UGT1A9: variants seen among roughly 807,000 people sequenced by gnomAD.
The protein encoded by UGT1A9 is UDP-glucuronosyltransferase 1A9.
UGT1A9 carries 35 observed loss-of-function variants against 45.0 expected under a neutral mutation model. The ratio of observed to expected loss-of-function variants is 0.78; its 90% CI spans 0.59 to 1.03. The LOEUF (loss-of-function observed/expected upper bound fraction) is 1.03. Among genes scored for constraint, UGT1A9 ranks in the 50% least tolerant of loss-of-function variants. The pLI, the probability that UGT1A9 is intolerant of heterozygous loss-of-function variation, is 0.00. For missense variants in UGT1A9, 687 were observed against 666.6 expected, an observed-to-expected ratio of 1.03 and a Z score of -0.34; for synonymous variants, 278 against 250.6, an observed-to-expected ratio of 1.11 and a Z score of -1.03.
chr2:233,756,308 C>T (rs147116295), intron 1 of UGT1A9: 65 of 152,294 alleles, frequency 4.3e-4, no homozygotes, highest in African/African-American at 1.5e-3. Context: ...TATAACCTAC[C>T]CATATCCTCC....
intron 4 of UGT1A9, chr2:233,770,148 T>A (rs1432860944): frequency 2.0e-5 from 3 of 152,232 alleles, no homozygotes; most frequent in Admixed American, 6.5e-5. Context: ...CATTATTTTT[T>A]AAAAAAACAC....
At position 233,721,338 on chromosome 2, in the gene UGT1A9, A is replaced by C. The variant is rs569629539; in HGVS notation, c.856-45696A>C. On this transcript the variant is annotated intron_variant, in intron 1 of 4. Transcript: ENST00000354728. Reference sequence around the variant, plus strand: ...TCTTTTCTTGTGGTTTTTCACTATGAATATATTCTTTAGACTGAACTGCAC... The same window carrying C: ...TCTTTTCTTGTGGTTTTTCACTATGCATATATTCTTTAGACTGAACTGCAC... Among the ~76,000 whole-genome samples, 10 of 152,226 alleles carry C rather than the reference A, an allele frequency of 6.6e-5. No homozygotes were observed. The South Asian group carries it at 1.9e-3, about 28-fold the overall frequency.
At chr2:233,759,897 C>T (rs1697281775) in intron 1 of UGT1A9, among the ~76,000 whole-genome samples, 1 of 152,134 alleles carries the variant, frequency 6.6e-6, no homozygotes, top group Non-Finnish European at 1.5e-5. Flanking sequence ...TTCTAAAAGG[C>T]TTTCTAAAAA....
chr2:233,750,413 A>G, intron 1 of UGT1A9, among the ~76,000 whole-genome samples: 1 of 151,976 alleles, frequency 6.6e-6, no homozygotes, highest in East Asian at 1.9e-4. Context: ...ACCATGTGGT[A>G]GAAAAGAAAA....
intron 1 of UGT1A9, chr2:233,753,750 T>C (rs1387497613): frequency 6.6e-6 from 1 of 152,184 alleles, no homozygotes; most frequent in Non-Finnish European, 1.5e-5. Context: ...AATAGGACAG[T>C]TTTGCGTGGC....
rs1302197781 is a variant in UGT1A9, at chr2:233,744,044, A to G, written c.856-22990A>G. ...GAGACGCCCCTTATGACGCAGCCAC[A>G]TCTCATTGGTCGAGGCCTATGAGCG... is the stretch of plus-strand genomic sequence containing the variant. On this transcript the variant is annotated intron_variant, in intron 1 of 4. Coordinates refer to ENST00000354728, the MANE Select transcript of UGT1A9 (RefSeq NM_021027.3). 3 of 731,946 alleles carry G rather than the reference A, an allele frequency of 4.1e-6. No homozygotes were observed. In the Admixed American group the frequency reaches 1.1e-4, roughly 26 times the overall value. The allele number at this position is 731,946 out of a possible 1,614,324, so 45.3% of individuals were successfully genotyped here. A position where few individuals can be genotyped will look rare whatever the true frequency, so the allele number is the denominator to read the frequency against.
chr2:233,693,033 G>A lies in UGT1A9; in HGVS notation c.855+20244G>A, dbSNP rs377223787. ...GCCTGCCTCCTTCGCTCATTTCAGA[G>A]AATTTCTGCAGGGGTTTTCTTCTTA... On this transcript the variant is annotated intron_variant, in intron 1 of 4. Transcript: ENST00000354728. The A allele has an allele frequency of 1.8e-4, 295 of 1,614,054 alleles. No homozygotes were observed. Among genetic ancestry groups the A allele is most frequent in the Non-Finnish European group, 2.4e-4 (283 of 1,180,042 alleles).
chr2:233,679,778 G>T (rs966968949), intron 1 of UGT1A9, among the ~76,000 whole-genome samples: 7 of 152,042 alleles, frequency 4.6e-5, no homozygotes, highest in African/African-American at 1.7e-4. Flanking sequence ...AAATTCTCCA[G>T]TTTTAGATTC....
At chr2:233,739,807 G>T (rs527239626) in intron 1 of UGT1A9, among the ~76,000 whole-genome samples, 26 of 152,152 alleles carry the variant, frequency 1.7e-4, no homozygotes, top group African/African-American at 5.3e-4. Flanking sequence ...GGGAAGGCAT[G>T]ATTGGTTTTT....
intron 1 of UGT1A9, among the ~76,000 whole-genome samples, chr2:233,711,994 G>A (rs28898596): frequency 0.1 from 15,482 of 152,248 alleles, 907 homozygotes; most frequent in East Asian, 0.2. Flanking sequence ...AAATTATTCT[G>A]TTCTGGAGGA....
rs540404664 is a variant in UGT1A9 at position 233,696,296 on chromosome 2, G to A, written c.855+23507G>A. ...AAAGAAAACGTAGGACTGTAATATC[G>A]TGAAATATATATTTGGTCTTCATCC... On this transcript the variant is annotated intron_variant, in intron 1 of 4. Coordinates refer to ENST00000354728, the MANE Select transcript of UGT1A9 (RefSeq NM_021027.3). Among the ~76,000 whole-genome samples, 28 of 152,242 alleles carry A rather than the reference G, an allele frequency of 1.8e-4. No individual in the cohort carries two copies. The East Asian group carries it at 4.8e-3, about 26-fold the overall frequency.
intron 1 of UGT1A9, chr2:233,747,682 G>A: frequency 6.2e-7 from 1 of 1,608,610 alleles, no homozygotes; most frequent in Admixed American, 1.7e-5. Flanking sequence ...ATTTACCTCT[G>A]TGGGGCAGTG....
chr2:233,674,698 G>A (rs1328344416), intron 1 of UGT1A9, among the ~76,000 whole-genome samples: 1 of 152,098 alleles, frequency 6.6e-6, no homozygotes, highest in Non-Finnish European at 1.5e-5. Flanking sequence ...AAAGAATATG[G>A]ATGTATGAAA....
At chr2:233,762,598 T>C (rs903275038) in intron 1 of UGT1A9, among the ~76,000 whole-genome samples, 9 of 152,226 alleles carry the variant, frequency 5.9e-5, no homozygotes, top group Admixed American at 2.6e-4. Context: ...CAATTTGTAT[T>C]CCAGGAGTTT....
At chr2:233,747,351 G>A (rs1693640886) in intron 1 of UGT1A9, 1 of 1,603,176 alleles carries the variant, frequency 6.2e-7, no homozygotes, top group Non-Finnish European at 8.5e-7. Context: ...CATGCGGGAG[G>A]CCGTGCGGGA....
chr2:233,685,796 T>C (rs998546141), intron 1 of UGT1A9, among the ~76,000 whole-genome samples: 1 of 152,250 alleles, frequency 6.6e-6, no homozygotes, highest in Admixed American at 6.5e-5. Flanking sequence ...AATCTTGGCA[T>C]GTTGTCTCAT....
intron 1 of UGT1A9, among the ~76,000 whole-genome samples, chr2:233,757,777 G>A (rs1409053330): frequency 6.6e-6 from 1 of 151,782 alleles, no homozygotes; most frequent in African/African-American, 2.4e-5. Flanking sequence ...TAATAAGCCT[G>A]TCATTCTGAT....
At chr2:233,755,343 G>C (rs1398050139) in intron 1 of UGT1A9, 2 of 413,026 alleles carry the variant, frequency 4.8e-6, no homozygotes, top group Non-Finnish European at 8.6e-6. Flanking sequence ...GCACAGGTCA[G>C]AGGCTTGGCG....
intron 1 of UGT1A9, chr2:233,747,490 T>G: frequency 6.2e-7 from 1 of 1,609,038 alleles, no homozygotes; most frequent in Non-Finnish European, 8.5e-7. Flanking sequence ...GATCGCCTTG[T>G]GCTGGGCCAC....
Sources: allele counts gnomAD v4.1 joint callset (sites outside exome capture counted in the v4.1 genomes callset), GRCh38; gene constraint gnomAD v4.1.1; transcripts MANE v1.5; gene names NCBI Gene and HGNC (gene_info 2026-07-23, HGNC 2026-07-21).